The following PTPRC variants were observed in gnomAD, a reference collection of about 807,000 sequenced individuals.
The protein encoded by PTPRC is receptor-type tyrosine-protein phosphatase C.
Under a neutral mutation model 155.9 loss-of-function variants are expected in PTPRC, and 44 were observed. That is an observed-to-expected ratio of 0.28 (90% CI 0.22 to 0.36). The LOEUF is 0.36. Ranked by LOEUF, PTPRC falls within the 10% of genes least tolerant of loss-of-function variation. PTPRC has a pLI of 1.00. For synonymous variants in PTPRC, 525 were observed against 533.1 expected, an observed-to-expected ratio of 0.98 and a Z score of 0.21; for missense variants, 1,401 against 1,564.6, an observed-to-expected ratio of 0.90 and a Z score of 1.76.
chr1:198,699,671 C>T lies in PTPRC; in HGVS notation c.406C>T (p.Leu136Phe). The change falls in exon 5 of 33, where the codon CTC becomes TTC. Residue 136 changes from leucine to phenylalanine, a missense_variant. Physicochemically the swap from Leu to Phe is conservative, Grantham distance 22. Coordinates refer to ENST00000442510, the MANE Select transcript of PTPRC (RefSeq NM_002838.5). ...TFSGSAANAK[L>F]NPTPGSNAIS... Reference sequence around the variant, plus strand: ...CAGCGGCTCCGCCGCCAATGCAAAACTCAACCCTACCCCAGGCAGCAATGC... The same window carrying T: ...CAGCGGCTCCGCCGCCAATGCAAAATTCAACCCTACCCCAGGCAGCAATGC... The T allele has an allele frequency of 6.2e-7, 1 of 1,614,212 alleles. No individual in the cohort carries two copies. The highest frequency in any genetic ancestry group is 8.5e-7 in the Non-Finnish European group (1 of 1,180,026).
At chr1:198,737,373 G>A (rs1380086713) in intron 23 of PTPRC, among the ~76,000 whole-genome samples, 1 of 151,542 alleles carries the variant, frequency 6.6e-6, no homozygotes, top group Non-Finnish European at 1.5e-5. Flanking sequence ...TTTGTATACA[G>A]CAAGAGATAG....
At chr1:198,714,409 T>C (rs939355705) in intron 12 of PTPRC, among the ~76,000 whole-genome samples, 1 of 152,176 alleles carries the variant, frequency 6.6e-6, no homozygotes, top group Admixed American at 6.5e-5. Context: ...TAGTAGCAAC[T>C]CATTACAGCA....
intron 2 of PTPRC, among the ~76,000 whole-genome samples, chr1:198,645,154 T>A (rs1662871010): frequency 6.6e-6 from 1 of 151,790 alleles, no homozygotes; most frequent in Non-Finnish European, 1.5e-5. Context: ...GAACAGCTGG[T>A]ATAGCAAACT....
chr1:198,718,277 A>C lies in PTPRC; in HGVS notation c.1634A>C (p.Gln545Pro). ...TGCGATTTCCGTGTAAAAGATCTTC[A>C]ATATTCAACAGACTACACTTTTAAG... ...KNCDFRVKDL[Q>P]YSTDYTFKAY... The change falls in exon 14 of 33, where the codon CAA becomes CCA. Residue 545 changes from glutamine (Q) to proline (P), a missense_variant. By Grantham distance (76) the Gln-to-Pro change is moderately conservative (BLOSUM62 -1). Transcript: ENST00000442510. The C allele has an allele frequency of 1.2e-6, 2 of 1,613,502 alleles. No individual in the cohort carries two copies. Among genetic ancestry groups the C allele is most frequent in the Non-Finnish European group, 1.7e-6 (2 of 1,179,520 alleles).
chr1:198,723,231 C>G (rs967289558), intron 15 of PTPRC, among the ~76,000 whole-genome samples: 1 of 151,826 alleles, frequency 6.6e-6, no homozygotes, highest in African/African-American at 2.4e-5. Context: ...TGGGCTTTCT[C>G]TACTGGTTAA....
chr1:198,654,512 A>G (rs1326350594), intron 2 of PTPRC, among the ~76,000 whole-genome samples: 4 of 151,742 alleles, frequency 2.6e-5, no homozygotes, highest in Admixed American at 6.6e-5. Flanking sequence ...AGACAACTAT[A>G]TATTTTCTCT....
rs1196147716 is a variant in PTPRC at position 198,660,020 on chromosome 1, TATATATGTCC to T, written c.73+20686_73+20695del. Among the ~76,000 whole-genome samples, 131 of 130,804 alleles carry T rather than the reference TATATATGTCC, an allele frequency of 1.0e-3. 2 individuals carry two copies. Among genetic ancestry groups the T allele is most frequent in the African/African-American group, 3.7e-3 (125 of 33,544 alleles). The allele number at this position is 130,804 out of a possible 152,430, so 85.8% of individuals were successfully genotyped here. On this transcript the variant is annotated intron_variant, in intron 2 of 32. Coordinates refer to ENST00000442510, the MANE Select transcript of PTPRC (RefSeq NM_002838.5). ...ATAAATATATAGATATATTTGTCCATATATATGTCCATATATATATATATATATATATATA... is the reference window on the plus strand; with the variant it reads ...ATAAATATATAGATATATTTGTCCATATATATATATATATATATATATATA...
At chr1:198,640,443 G>C (rs1355236050) in intron 2 of PTPRC, among the ~76,000 whole-genome samples, 1 of 151,820 alleles carries the variant, frequency 6.6e-6, no homozygotes, top group Non-Finnish European at 1.5e-5. Flanking sequence ...TTTCTATTTG[G>C]AGAGGAAAGA....
intron 2 of PTPRC, among the ~76,000 whole-genome samples, chr1:198,671,117 G>GT (rs1664617727): frequency 6.6e-6 from 1 of 150,692 alleles, no homozygotes. Flanking sequence ...TTTTTGAAAT[G>GT]TAAAAAAAAA....
rs143702097 is a variant in PTPRC at position 198,696,860 on chromosome 1, C to T, written c.249C>T (p.Thr83=). ...CTCTTAGTCCAGACAATACTTCCACCCAAGTATCCCCGGACTCTTTGGATA... is the reference window on the plus strand; with the variant it reads ...CTCTTAGTCCAGACAATACTTCCACTCAAGTATCCCCGGACTCTTTGGATA... The part of the protein sequence containing the change: ...TTSLSPDNTS[T]QVSPDSLDNA... The change falls in exon 4 of 33, where the codon ACC becomes ACT. Residue 83 remains threonine (T), a synonymous_variant. Transcript: ENST00000442510. The T allele has an allele frequency of 4.3e-6, 7 of 1,614,044 alleles. No homozygotes were observed. The highest frequency in any genetic ancestry group is 5.9e-6 in the Non-Finnish European group (7 of 1,179,948).
chr1:198,697,255 T>G (rs1350461520), intron 4 of PTPRC, among the ~76,000 whole-genome samples: 1 of 152,174 alleles, frequency 6.6e-6, no homozygotes, highest in East Asian at 1.9e-4. Context: ...GTTCAGAGAT[T>G]ATCAGTTCTA....
chr1:198,675,339 T>A (rs541466666), intron 2 of PTPRC, among the ~76,000 whole-genome samples: 1 of 152,222 alleles, frequency 6.6e-6, no homozygotes, highest in African/African-American at 2.4e-5. Flanking sequence ...ATAGAAAAAA[T>A]TCCCAAAACT....
At chr1:198,684,970 A>T (rs140786096) in intron 2 of PTPRC, among the ~76,000 whole-genome samples, 1 of 152,026 alleles carries the variant, frequency 6.6e-6, no homozygotes, top group East Asian at 1.9e-4. Context: ...TTCTTTGGAC[A>T]TTGGTGGAGC....
intron 2 of PTPRC, among the ~76,000 whole-genome samples, chr1:198,682,738 G>A (rs988001816): frequency 5.9e-5 from 9 of 152,158 alleles, no homozygotes; most frequent in Middle Eastern, 3.4e-3. Flanking sequence ...CTTCCTTAAA[G>A]ATTTGGGTAA....
intron 7 of PTPRC, 150 bp from the exon 8 acceptor site, chr1:198,704,322 C>A: frequency 7.2e-7 from 1 of 1,392,576 alleles, no homozygotes; most frequent in Non-Finnish European, 9.7e-7. Context: ...GAAATGAAAA[C>A]CTGTACTAGG....
intron 2 of PTPRC, chr1:198,680,078 A>ATGG: frequency 2.2e-6 from 1 of 451,096 alleles, no homozygotes; most frequent in Non-Finnish European, 4.0e-6. Context: ...TGGGAGTGCC[A>ATGG]CTAGGCAAGG....
chr1:198,712,728 A>G (rs1366884865), intron 11 of PTPRC: 3 of 548,994 alleles, frequency 5.5e-6, no homozygotes, highest in Non-Finnish European at 9.7e-6. Context: ...TCTTCAAGTC[A>G]GTGGAATGCT....
intron 2 of PTPRC, among the ~76,000 whole-genome samples, chr1:198,677,359 G>A (rs1029338498): frequency 6.6e-6 from 1 of 152,072 alleles, no homozygotes; most frequent in Admixed American, 6.5e-5. Flanking sequence ...TTATTTTCCA[G>A]AAAGATTTCT....
At chr1:198,732,611 T>C in intron 20 of PTPRC, 55 bp downstream of exon 20, 1 of 1,354,000 alleles carries the variant, frequency 7.4e-7, no homozygotes, top group South Asian at 1.2e-5. Flanking sequence ...AGCTCCTTGT[T>C]TGTCTTGGTA....
Sources: gnomAD v4.1 joint callset for allele counts (sites outside exome capture counted in the v4.1 genomes callset) on GRCh38, gnomAD v4.1.1 for gene constraint, MANE v1.5 for transcripts, NCBI Gene and HGNC (gene_info 2026-07-23, HGNC 2026-07-21) for gene names.